The following CA1 variants were observed in gnomAD, a reference collection of about 807,000 sequenced individuals.
CA1 encodes the protein carbonate dehydratase I.
Under a neutral mutation model 28.8 loss-of-function variants are expected in CA1, and 27 were observed. That is an observed-to-expected ratio of 0.94 (90% confidence interval 0.69 to 1.29). The LOEUF (loss-of-function observed/expected upper bound fraction) is 1.29. Among genes scored for constraint, CA1 ranks in the 50% most tolerant of loss-of-function variants. The probability of loss-of-function intolerance (pLI) is 0.00; values close to 1 mark genes in which losing one functional copy is unlikely to be tolerated. For synonymous variants in CA1, 121 were observed against 108.8 expected, an observed-to-expected ratio of 1.11 and a Z score of -0.70; for missense variants, 335 against 310.5, an observed-to-expected ratio of 1.08 and a Z score of -0.59.
chr8:85,358,423 G>A (rs1809680252), intron 1 of CA1, among the ~76,000 whole-genome samples: 1 of 152,106 alleles, frequency 6.6e-6, no homozygotes, highest in South Asian at 2.1e-4. Flanking sequence ...AGTTTTGCAT[G>A]TATTTATTAT....
chr8:85,372,668 T>C (rs1205925406), intron 1 of CA1, among the ~76,000 whole-genome samples: 2 of 152,212 alleles, frequency 1.3e-5, no homozygotes, highest in Non-Finnish European at 2.9e-5. Context: ...GTTTCAGTTA[T>C]GTATGATCCA....
chr8:85,329,373 A>G (rs1271437438), intron 7 of CA1, among the ~76,000 whole-genome samples: 1 of 152,196 alleles, frequency 6.6e-6, no homozygotes, highest in Non-Finnish European at 1.5e-5. Context: ...CCAAAGTCTT[A>G]TTGAAATGTC....
At chr8:85,347,247 T>A (rs924144) in intron 1 of CA1, among the ~76,000 whole-genome samples, 2 of 152,210 alleles carry the variant, frequency 1.3e-5, no homozygotes, top group African/African-American at 4.8e-5. Context: ...CCTGCTTCAG[T>A]GTCACCTGAA....
chr8:85,338,564 G>T, intron 2 of CA1, 115 bp from the exon 3 acceptor site: 1 of 806,150 alleles, frequency 1.2e-6, no homozygotes, highest in Non-Finnish European at 2.2e-6. Flanking sequence ...TGTATTAAAT[G>T]ATATTCTCTT....
rs754557565 is a variant in CA1, at chr8:85,333,617, G to A, written c.358C>T (p.His120Tyr). The change falls in exon 5 of 8, where the codon CAC (histidine) becomes TAC (tyrosine). Residue 120 changes from histidine to tyrosine, a missense_variant. His to Tyr is a moderately conservative substitution (Grantham distance 83, BLOSUM62 2). Transcript: ENST00000523022. ...TTTGCAGAATTCCAGTGAGCTACGT[G>A]AAGCTAAAAATGATACTATGGTTAA... is the stretch of plus-strand genomic sequence containing the variant. Reference protein sequence around the residue: ...VDGVKYSAELHVAHWNSAKYS... With the variant: ...VDGVKYSAELYVAHWNSAKYS... 1 of 1,599,338 alleles carries A rather than the reference G, an allele frequency of 6.3e-7. No homozygotes were observed. The highest frequency in any genetic ancestry group is 1.7e-5 in the Admixed American group (1 of 59,940).
Position 85,338,352 on chromosome 8 carries a change from C to T in CA1, c.135G>A (p.Leu45=). 1 of 1,613,790 alleles carries T rather than the reference C, an allele frequency of 6.2e-7. No individual in the cohort carries two copies. The highest frequency in any genetic ancestry group is 8.5e-7 in the Non-Finnish European group (1 of 1,179,742). ...KTSETKHDTS[L]KPISVSYNPA... Reference sequence around the variant, plus strand: ...GGTTGTAGGAGACACTAATAGGTTTCAGAGAGGTGTCATGTTTGGTTTCAC... The same window carrying T: ...GGTTGTAGGAGACACTAATAGGTTTTAGAGAGGTGTCATGTTTGGTTTCAC... Residue 45 remains leucine (L), a synonymous_variant, in exon 3 of 8, where the codon CTG becomes CTA. Transcript: ENST00000523022.
rs11353842 is a variant in CA1 at position 85,355,549 on chromosome 8, C to CT, written c.-24-13891dup. ...AGGTGCACGCCACTATGTCTAGTTC[C>CT]TTTTTTTTTTTTTTTTTTTTTTTTT... On this transcript the variant is annotated intron_variant, in intron 1 of 7. Coordinates refer to ENST00000523022, the MANE Select transcript of CA1 (RefSeq NM_001128831.4). Among the ~76,000 whole-genome samples the CT allele has an allele frequency of 4.1e-3, 451 of 108,678 alleles. 3 individuals carry two copies. Among genetic ancestry groups the CT allele is most frequent in the South Asian group, 8.7e-3 (25 of 2,872 alleles). 71.3% of individuals were successfully genotyped at this position (108,678 alleles called of 152,430 possible).
At chr8:85,365,360 G>A (rs1389965766) in intron 1 of CA1, among the ~76,000 whole-genome samples, 1 of 152,174 alleles carries the variant, frequency 6.6e-6, no homozygotes, top group Non-Finnish European at 1.5e-5. Context: ...ATGATGAAAG[G>A]TGAGATTAAA....
chr8:85,348,981 A>G lies in CA1; in HGVS notation c.-24-7322T>C, dbSNP rs549321699. On this transcript the variant is annotated intron_variant, in intron 1 of 7. Coordinates refer to ENST00000523022, the MANE Select transcript of CA1 (RefSeq NM_001128831.4). The stretch of plus-strand genomic sequence containing the variant: ...TTCTAAGGATTTGATGATGTACATT[A>G]GCTGATCAGCCTTGAAATCAAGGGA... Among the ~76,000 whole-genome samples, 7 of 152,322 alleles carry G rather than the reference A, an allele frequency of 4.6e-5. No homozygotes were observed. In the South Asian group the frequency reaches 1.2e-3, roughly 27 times the overall value.
In CA1 at chr8:85,344,254, T is replaced by TATA. The variant is rs1346609549; in HGVS notation, c.-24-2598_-24-2596dup. Among the ~76,000 whole-genome samples, 99 of 94,382 alleles carry TATA rather than the reference T, an allele frequency of 1.0e-3. 1 individual carries two copies. The highest frequency in any genetic ancestry group is 5.0e-3 in the African/African-American group (96 of 19,326). The allele number at this position is 94,382 out of a possible 152,430, so 61.9% of individuals were successfully genotyped here. A position where few individuals can be genotyped will look rare whatever the true frequency, so the allele number is the denominator to read the frequency against. ...GTATATAATATATAATTATATATTATATACAGTATATAATATATAATTATA... is the reference window on the plus strand; with the variant it reads ...GTATATAATATATAATTATATATTATATAATACAGTATATAATATATAATTATA... On this transcript the variant is annotated intron_variant, in intron 1 of 7. Transcript: ENST00000523022.
Position 85,357,485 on chromosome 8 carries a change from G to A in CA1, c.-24-15826C>T, listed in dbSNP as rs557039314. On this transcript the variant is annotated intron_variant, in intron 1 of 7. Transcript: ENST00000523022. Reference sequence around the variant, plus strand: ...GGGTTAATGATAATATAGGCCAGGTGTCTAGTTACCTGGTACTTACAGTAT... The same window carrying A: ...GGGTTAATGATAATATAGGCCAGGTATCTAGTTACCTGGTACTTACAGTAT... 5.3e-5 allele frequency among the ~76,000 whole-genome samples: 8 copies of A among 152,314 alleles called. No homozygotes were observed. In the East Asian group the frequency reaches 1.5e-3, roughly 29 times the overall value.
intron 3 of CA1, chr8:85,337,295 C>T: frequency 2.0e-6 from 1 of 512,674 alleles, no homozygotes; most frequent in Non-Finnish European, 3.6e-6. Flanking sequence ...ATTTCCCAGC[C>T]ACACGAGCTA....
chr8:85,376,457 A>G (rs1810419847), intron 1 of CA1, among the ~76,000 whole-genome samples: 1 of 151,666 alleles, frequency 6.6e-6, no homozygotes, highest in Non-Finnish European at 1.5e-5. Context: ...AGGTCAAGAG[A>G]TTGAGACAAT....
intron 1 of CA1, among the ~76,000 whole-genome samples, chr8:85,348,688 A>G (rs573679310): frequency 7.2e-5 from 11 of 152,324 alleles, no homozygotes; most frequent in Admixed American, 2.0e-4. Flanking sequence ...TTTAAGAATT[A>G]GCATTAACAG....
chr8:85,365,643 T>C (rs1164300018), intron 1 of CA1, among the ~76,000 whole-genome samples: 1 of 152,238 alleles, frequency 6.6e-6, no homozygotes, highest in African/African-American at 2.4e-5. Flanking sequence ...GTTGATTCCT[T>C]TTAAATCTTA....
chr8:85,357,746 G>C (rs1809654497), intron 1 of CA1, among the ~76,000 whole-genome samples: 1 of 152,150 alleles, frequency 6.6e-6, no homozygotes, highest in Non-Finnish European at 1.5e-5. Flanking sequence ...TCTCAGCTCA[G>C]AGTCAGGGAA....
intron 1 of CA1, among the ~76,000 whole-genome samples, chr8:85,365,135 G>A (rs904646945): frequency 6.6e-6 from 1 of 152,208 alleles, no homozygotes; most frequent in Non-Finnish European, 1.5e-5. Flanking sequence ...GGCATCACCG[G>A]TATATAAAAG....
chr8:85,366,536 G>A (rs1810015579), intron 1 of CA1, among the ~76,000 whole-genome samples: 1 of 152,156 alleles, frequency 6.6e-6, no homozygotes, highest in Non-Finnish European at 1.5e-5. Context: ...GAAGCACGAA[G>A]TACTCCAATA....
intron 6 of CA1, among the ~76,000 whole-genome samples, chr8:85,331,757 C>A (rs1005711670): frequency 6.6e-6 from 1 of 151,986 alleles, no homozygotes; most frequent in Non-Finnish European, 1.5e-5. Flanking sequence ...CACACCCGGC[C>A]ATCATTTTTC....
Sources: gnomAD v4.1 joint callset for allele counts (sites outside exome capture counted in the v4.1 genomes callset) on GRCh38, gnomAD v4.1.1 for gene constraint, MANE v1.5 for transcripts, NCBI Gene and HGNC (gene_info 2026-07-23, HGNC 2026-07-21) for gene names.